The following ATP10A variants were observed in gnomAD, a reference collection of about 807,000 sequenced individuals.
ATP10A encodes the protein phospholipid-transporting ATPase VA.
Under a neutral mutation model 147.8 loss-of-function variants are expected in ATP10A, and 111 were observed. That is an observed-to-expected ratio of 0.75 (90% confidence interval 0.64 to 0.88). The LOEUF (loss-of-function observed/expected upper bound fraction) is 0.88, where lower values mean the gene tolerates loss of function less well. ATP10A is among the 40% of genes least tolerant of loss of function. ATP10A has a pLI of 0.00. For synonymous variants in ATP10A, 875 were observed against 841.6 expected (o/e 1.04, Z -0.69); for missense variants, 1,927 against 1,959.0 (o/e 0.98, Z 0.31).
At chr15:25,761,427 C>T (rs1370099529) in intron 2 of ATP10A, among the ~76,000 whole-genome samples, 4 of 152,234 alleles carry the variant, frequency 2.6e-5, no homozygotes, top group Non-Finnish European at 5.9e-5. Context: ...AGAGGGCCAC[C>T]GTCCTCCAGA....
intron 16 of ATP10A, among the ~76,000 whole-genome samples, chr15:25,685,795 A>T (rs1899680576): frequency 6.7e-6 from 1 of 150,368 alleles, no homozygotes; most frequent in East Asian, 2.0e-4. Context: ...CTGCACTCCA[A>T]CCTGGGCAAC....
intron 4 of ATP10A, 72 bp downstream of exon 4, chr15:25,727,088 A>T: frequency 8.5e-7 from 1 of 1,175,998 alleles, no homozygotes; most frequent in Non-Finnish European, 1.2e-6. Flanking sequence ...AAAAGAAAAG[A>T]AAACAGTGAG....
intron 1 of ATP10A, among the ~76,000 whole-genome samples, chr15:25,857,490 T>C (rs1893569058): frequency 6.6e-6 from 1 of 152,108 alleles, no homozygotes; most frequent in Non-Finnish European, 1.5e-5. Flanking sequence ...GTATTTATAG[T>C]TTAGTTTTAA....
chr15:25,815,388 C>CG, intron 1 of ATP10A, among the ~76,000 whole-genome samples: 1 of 152,284 alleles, frequency 6.6e-6, no homozygotes, highest in Admixed American at 6.5e-5. Flanking sequence ...ACAGACTTCT[C>CG]ACTGTGTAAA....
chr15:25,854,969 G>C (rs1456058086), intron 1 of ATP10A, among the ~76,000 whole-genome samples: 1 of 150,766 alleles, frequency 6.6e-6, no homozygotes, highest in Non-Finnish European at 1.5e-5. Flanking sequence ...TGAGGCAGGA[G>C]AATCGCTTGA....
chr15:25,846,538 C>A (rs1893031560), intron 1 of ATP10A, among the ~76,000 whole-genome samples: 1 of 152,104 alleles, frequency 6.6e-6, no homozygotes, highest in East Asian at 1.9e-4. Context: ...CGCAGAAGGG[C>A]CACCCCTGGG....
At chr15:25,794,551 G>C (rs766949354) in intron 1 of ATP10A, among the ~76,000 whole-genome samples, 1 of 152,120 alleles carries the variant, frequency 6.6e-6, no homozygotes, top group Non-Finnish European at 1.5e-5. Context: ...TTAACACATG[G>C]ATCAAAATAT....
intron 2 of ATP10A, among the ~76,000 whole-genome samples, chr15:25,759,041 G>A (rs1374106613): frequency 6.6e-6 from 1 of 152,228 alleles, no homozygotes; most frequent in Non-Finnish European, 1.5e-5. Flanking sequence ...AGCCAATGGG[G>A]GACCGACACA....
chr15:25,688,594 AT>A (rs1428376440), intron 15 of ATP10A, among the ~76,000 whole-genome samples: 2 of 152,140 alleles, frequency 1.3e-5, no homozygotes, highest in Non-Finnish European at 2.9e-5. Flanking sequence ...GGAAAAAAAA[AT>A]CAAACAAAGT....
At chr15:25,717,573 G>C (rs1016764472) in intron 8 of ATP10A, among the ~76,000 whole-genome samples, 4 of 152,200 alleles carry the variant, frequency 2.6e-5, no homozygotes, top group African/African-American at 7.2e-5. Flanking sequence ...ACCAATCAGC[G>C]TCCAAAACTC....
At chr15:25,774,789 A>T (rs6576459) in intron 2 of ATP10A, among the ~76,000 whole-genome samples, 1 of 151,980 alleles carries the variant, frequency 6.6e-6, no homozygotes, top group African/African-American at 2.4e-5. Flanking sequence ...TATTACCTAC[A>T]GAACTGAATT....
At chr15:25,834,368 T>C (rs76134057) in intron 1 of ATP10A, among the ~76,000 whole-genome samples, 1,998 of 152,310 alleles carry the variant, frequency 0.013, 43 homozygotes, top group African/African-American at 0.046. Context: ...CCAAAGATGA[T>C]ACATAAGTGG....
At chr15:25,685,139 T>G (rs1054547825) in intron 16 of ATP10A, among the ~76,000 whole-genome samples, 2 of 152,206 alleles carry the variant, frequency 1.3e-5, no homozygotes, top group African/African-American at 4.8e-5. Flanking sequence ...AAAAGCTTTC[T>G]TCCCAAACCA....
chr15:25,705,270 C>CA lies in ATP10A; in HGVS notation c.2575+2705dup, dbSNP rs1261235190. 6.0e-5 allele frequency among the ~76,000 whole-genome samples: 9 copies of CA among 150,648 alleles called. No homozygotes were observed. In the East Asian group the frequency reaches 1.4e-3, roughly 23 times the overall value. Reference sequence around the variant, plus strand: ...AGCCTGAGTGAGACCCTGTCTCTACCAAAAAAAAGTAAAAATTTATCTGGG... The same window carrying CA: ...AGCCTGAGTGAGACCCTGTCTCTACCAAAAAAAAAGTAAAAATTTATCTGGG... On this transcript the variant is annotated intron_variant, in intron 12 of 20. Coordinates refer to ENST00000555815, the MANE Select transcript of ATP10A (RefSeq NM_024490.4).
At position 25,862,945 on chromosome 15, in the gene ATP10A, C is replaced by T. The variant is rs369403536; in HGVS notation, c.152G>A (p.Arg51Gln). 8.3e-5 allele frequency: 130 copies of T among 1,570,584 alleles called. 1 individual carries two copies. The highest frequency in any genetic ancestry group is 1.1e-4 in the Non-Finnish European group (124 of 1,163,766). The change falls in exon 1 of 21, where the codon CGG (arginine) becomes CAG (glutamine). Residue 51 changes from arginine (R) to glutamine (Q), a missense_variant. Physicochemically the swap from Arg to Gln is conservative, Grantham distance 43 (BLOSUM62 1). Coordinates refer to ENST00000555815, the MANE Select transcript of ATP10A (RefSeq NM_024490.4). ...CAGGTGCTGGGCACACCCGCGCCGCCGTCGCCGCTCGCCCTTGGCCGCGCC... is the reference window on the plus strand; with the variant it reads ...CAGGTGCTGGGCACACCCGCGCCGCTGTCGCCGCTCGCCCTTGGCCGCGCC... ...AAGAAKGERR[R>Q]RRGCAQHLAD...
chr15:25,725,457 C>T lies in ATP10A; in HGVS notation c.979+494G>A, dbSNP rs190029883. Among the ~76,000 whole-genome samples, 373 of 152,156 alleles carry T rather than the reference C, an allele frequency of 2.5e-3. 2 individuals carry two copies. Among genetic ancestry groups the T allele is most frequent in the African/African-American group, 8.6e-3 (358 of 41,520 alleles). ...CCTGGAACCAACCCCCCATGGATAC[C>T]GAAGGACAGCTATACTCTGTCATGC... On this transcript the variant is annotated intron_variant, in intron 5 of 20. Coordinates refer to ENST00000555815, the MANE Select transcript of ATP10A (RefSeq NM_024490.4).
rs537119356 is a variant in ATP10A at position 25,826,450 on chromosome 15, T to C, written c.449+36198A>G. On this transcript the variant is annotated intron_variant, in intron 1 of 20. Coordinates refer to ENST00000555815, the MANE Select transcript of ATP10A (RefSeq NM_024490.4). ...GCGAAGGTGCACCTGTAGTCCCAGCTACTTGAGAGGCTGAGGTGGGAAGAT... is the reference window on the plus strand; with the variant it reads ...GCGAAGGTGCACCTGTAGTCCCAGCCACTTGAGAGGCTGAGGTGGGAAGAT... Among the ~76,000 whole-genome samples, 5 of 152,168 alleles carry C rather than the reference T, an allele frequency of 3.3e-5. No homozygotes were observed. In the East Asian group the frequency reaches 9.7e-4, roughly 29 times the overall value.
At chr15:25,690,164 A>G (rs552860788) in intron 15 of ATP10A, among the ~76,000 whole-genome samples, 1 of 151,808 alleles carries the variant, frequency 6.6e-6, no homozygotes, top group African/African-American at 2.4e-5. Flanking sequence ...GTTGATAAAC[A>G]CGCACAATGG....
chr15:25,786,159 G>A (rs1326920075), intron 1 of ATP10A, among the ~76,000 whole-genome samples: 1 of 152,186 alleles, frequency 6.6e-6, no homozygotes, highest in Non-Finnish European at 1.5e-5. Context: ...GTGGCTGGGG[G>A]CAGAGAGGTG....
Sources: allele counts gnomAD v4.1 joint callset (sites outside exome capture counted in the v4.1 genomes callset), GRCh38; gene constraint gnomAD v4.1.1; transcripts MANE v1.5; gene names NCBI Gene and HGNC (gene_info 2026-07-23, HGNC 2026-07-21).